Variants in ATXN1 observed in about 807,000 individuals in gnomAD.
ATXN1 encodes the protein ataxin 1, also known as ataxin-1.
In ATXN1, 8 loss-of-function variants were observed where a neutral mutation model predicts 56.4. The observed-to-expected ratio is 0.14, with a 90% CI of 0.08 to 0.26. The LOEUF (loss-of-function observed/expected upper bound fraction) is 0.26. ATXN1 is among the 10% of genes least tolerant of loss of function. The probability of loss-of-function intolerance (pLI) is 1.00; values close to 1 mark genes in which losing one functional copy is unlikely to be tolerated. For missense variants in ATXN1, 987 were observed against 1,106.5 expected (o/e 0.89, Z 1.53); for synonymous variants, 514 against 494.6 (o/e 1.04, Z -0.52).
chr6:16,550,656 T>G (rs1581838761), intron 4 of ATXN1, among the ~76,000 whole-genome samples: 1 of 152,268 alleles, frequency 6.6e-6, no homozygotes, highest in East Asian at 1.9e-4. Context: ...AAAGGTTAGG[T>G]AAGTCAGCCA....
intron 2 of ATXN1, among the ~76,000 whole-genome samples, chr6:16,744,855 T>A (rs768709947): frequency 2.6e-5 from 4 of 152,150 alleles, no homozygotes; most frequent in Non-Finnish European, 5.9e-5. Flanking sequence ...ATATAAAAAC[T>A]TGAACCGTTG....
chr6:16,739,763 T>C (rs1271579774), intron 2 of ATXN1: 1 of 451,046 alleles, frequency 2.2e-6, no homozygotes, highest in Non-Finnish European at 4.5e-6. Context: ...AAGCTGGGTG[T>C]CATCCTTTAG....
At chr6:16,577,445 A>G (rs1383176701) in intron 4 of ATXN1, among the ~76,000 whole-genome samples, 1 of 150,262 alleles carries the variant, frequency 6.7e-6, no homozygotes, top group Admixed American at 6.7e-5. Context: ...GATTGCTTGA[A>G]CCTGGGAGGC....
intron 2 of ATXN1, chr6:16,740,030 AAGAG>A (rs1328216619): frequency 2.9e-6 from 1 of 347,658 alleles, no homozygotes; most frequent in Admixed American, 3.2e-5. Flanking sequence ...GAGGGCACCT[AAGAG>A]AGAGATAGAT....
chr6:16,751,013 G>A (rs1241443539), intron 2 of ATXN1, among the ~76,000 whole-genome samples: 1 of 147,362 alleles, frequency 6.8e-6, no homozygotes, highest in Non-Finnish European at 1.5e-5. Context: ...CTGTCGCCCA[G>A]GCTGGAGTGC....
chr6:16,749,259 T>C (rs1173282744), intron 2 of ATXN1, among the ~76,000 whole-genome samples: 2 of 152,190 alleles, frequency 1.3e-5, no homozygotes, highest in Admixed American at 6.5e-5. Flanking sequence ...AGATGGCACA[T>C]TGTGATTTAC....
intron 6 of ATXN1, among the ~76,000 whole-genome samples, chr6:16,396,546 T>C (rs1170645026): frequency 6.6e-6 from 1 of 152,216 alleles, no homozygotes; most frequent in African/African-American, 2.4e-5. Flanking sequence ...AAAAAGTTTA[T>C]AAAGTAAAAA....
At chr6:16,324,790 C>T (rs772958352) in intron 7 of ATXN1, among the ~76,000 whole-genome samples, 13 of 152,170 alleles carry the variant, frequency 8.5e-5, no homozygotes, top group African/African-American at 4.8e-5. Flanking sequence ...AAATTAAGAG[C>T]GTTAACCATA....
chr6:16,308,572 C>A (rs751484440), intron 7 of ATXN1, among the ~76,000 whole-genome samples: 65 of 152,188 alleles, frequency 4.3e-4, no homozygotes, highest in Non-Finnish European at 4.4e-4. Context: ...GAGCCCCATT[C>A]TTTTGAGTTG....
chr6:16,591,281 C>T (rs1378008421), intron 3 of ATXN1, among the ~76,000 whole-genome samples: 2 of 152,152 alleles, frequency 1.3e-5, no homozygotes, highest in Non-Finnish European at 2.9e-5. Context: ...TACCATGAGA[C>T]TATTAAACTC....
intron 4 of ATXN1, among the ~76,000 whole-genome samples, chr6:16,531,647 T>C (rs1413739885): frequency 6.8e-6 from 1 of 146,964 alleles, no homozygotes; most frequent in African/African-American, 2.5e-5. Flanking sequence ...AAAAAAGTGC[T>C]ACCCATGTTA....
chr6:16,546,728 G>A (rs990656611), intron 4 of ATXN1, among the ~76,000 whole-genome samples: 14 of 152,148 alleles, frequency 9.2e-5, no homozygotes, highest in South Asian at 8.3e-4. Flanking sequence ...ATGGAGTTTC[G>A]TAAAAGCTGT....
At chr6:16,333,223 G>C (rs1378459565) in intron 6 of ATXN1, among the ~76,000 whole-genome samples, 2 of 152,128 alleles carry the variant, frequency 1.3e-5, no homozygotes, top group African/African-American at 2.4e-5. Flanking sequence ...CACAACTGCA[G>C]AGAAATATAC....
At chr6:16,623,219 C>G (rs545985442) in intron 3 of ATXN1, among the ~76,000 whole-genome samples, 1 of 152,110 alleles carries the variant, frequency 6.6e-6, no homozygotes, top group African/African-American at 2.4e-5. Flanking sequence ...CTAGGAAACA[C>G]CTAGAAGGAA....
intron 6 of ATXN1, among the ~76,000 whole-genome samples, chr6:16,336,881 C>A (rs1761135252): frequency 6.6e-6 from 1 of 152,066 alleles, no homozygotes; most frequent in South Asian, 2.1e-4. Flanking sequence ...GTTTTTTGAC[C>A]CCATGCATCT....
chr6:16,417,501 C>G (rs962624373), intron 6 of ATXN1, among the ~76,000 whole-genome samples: 3 of 148,136 alleles, frequency 2.0e-5, no homozygotes, highest in African/African-American at 7.4e-5. Flanking sequence ...AGCAGTGGCA[C>G]GATCTCGGCT....
intron 3 of ATXN1, among the ~76,000 whole-genome samples, chr6:16,648,959 C>T (rs1763847704): frequency 6.6e-6 from 1 of 151,652 alleles, no homozygotes; most frequent in Non-Finnish European, 1.5e-5. Context: ...TGTATATACA[C>T]ATATGCATAC....
chr6:16,362,698 A>G (rs179970), intron 6 of ATXN1, among the ~76,000 whole-genome samples: 121,798 of 152,160 alleles, frequency 0.8, 49,149 homozygotes, highest in East Asian at 1. Context: ...TCTTTGCAGA[A>G]TATAATGTGA....
intron 4 of ATXN1, among the ~76,000 whole-genome samples, chr6:16,526,766 A>AG (rs1761403618): frequency 2.8e-5 from 1 of 35,658 alleles, no homozygotes; most frequent in Non-Finnish European, 6.4e-5. Context: ...ACTTCATCTC[A>AG]AAAAAAAAAA....
Sources: gnomAD v4.1 joint callset for allele counts (sites outside exome capture counted in the v4.1 genomes callset) on GRCh38, gnomAD v4.1.1 for gene constraint, MANE v1.5 for transcripts, NCBI Gene and HGNC (gene_info 2026-07-23, HGNC 2026-07-21) for gene names.